Variants in BCAS3 observed in about 807,000 individuals in gnomAD.
The protein encoded by BCAS3 is BCAS3 microtubule associated cell migration factor.
BCAS3 carries 53 observed loss-of-function variants against 116.1 expected under a neutral mutation model. The ratio of observed to expected loss-of-function variants is 0.46; its 90% CI spans 0.37 to 0.57. BCAS3 has a LOEUF of 0.57. Among genes scored for constraint, BCAS3 ranks in the 20% least tolerant of loss-of-function variants. The pLI is 0.00. For synonymous variants in BCAS3, 391 were observed against 408.2 expected (o/e 0.96, Z 0.51); for missense variants, 917 against 1,165.4 (o/e 0.79, Z 3.10).
chr17:60,936,622 T>G (rs2145205880), intron 13 of BCAS3, among the ~76,000 whole-genome samples: 1 of 152,370 alleles, frequency 6.6e-6, no homozygotes, highest in South Asian at 2.1e-4. Context: ...ATGATGAGCA[T>G]TTTTTCATGT....
chr17:60,901,863 T>A (rs1405311964), intron 10 of BCAS3, among the ~76,000 whole-genome samples: 1 of 152,226 alleles, frequency 6.6e-6, no homozygotes, highest in Non-Finnish European at 1.5e-5. Context: ...TTTTGTTTTT[T>A]AAAAATGTTA....
intron 15 of BCAS3, among the ~76,000 whole-genome samples, chr17:61,005,006 C>G (rs1344695269): frequency 6.6e-6 from 1 of 152,120 alleles, no homozygotes; most frequent in African/African-American, 2.4e-5. Context: ...AATACCATGA[C>G]AGTACTCATA....
At chr17:61,270,882 C>T (rs1010337135) in intron 22 of BCAS3, among the ~76,000 whole-genome samples, 1 of 151,974 alleles carries the variant, frequency 6.6e-6, no homozygotes, top group African/African-American at 2.4e-5. Flanking sequence ...GCCTCAGCCT[C>T]CCGAGTAGCT....
In BCAS3 at chr17:61,014,833, C is replaced by T. The variant is rs117314261; in HGVS notation, c.1487-918C>T. On this transcript the variant is annotated intron_variant, in intron 15 of 23. Coordinates refer to ENST00000407086, the MANE Select transcript of BCAS3 (RefSeq NM_017679.5). ...TACAAAAGTTACCTGTATTTCTATACATTAACAATGAATAATCTGAAAAAT... is the reference window on the plus strand; with the variant it reads ...TACAAAAGTTACCTGTATTTCTATATATTAACAATGAATAATCTGAAAAAT... Among the ~76,000 whole-genome samples, 176 of 152,160 alleles carry T rather than the reference C, an allele frequency of 1.2e-3. No individual in the cohort carries two copies. In the East Asian group the frequency reaches 0.032, roughly 28 times the overall value.
chr17:61,086,473 G>C (rs1472911303), intron 22 of BCAS3, among the ~76,000 whole-genome samples: 2 of 152,180 alleles, frequency 1.3e-5, no homozygotes, highest in Non-Finnish European at 2.9e-5. Flanking sequence ...TCAGTGAACT[G>C]TTATTTAAAT....
intron 7 of BCAS3, among the ~76,000 whole-genome samples, chr17:60,853,418 A>G (rs2053359014): frequency 6.6e-6 from 1 of 152,246 alleles, no homozygotes; most frequent in African/African-American, 2.4e-5. Context: ...ATATGTTTGA[A>G]TTCAAATGCT....
chr17:60,767,827 G>A (rs898244781), intron 6 of BCAS3, among the ~76,000 whole-genome samples: 2 of 151,920 alleles, frequency 1.3e-5, no homozygotes, highest in East Asian at 3.9e-4. Context: ...TAGAGACGGG[G>A]TCTCACTCTG....
chr17:61,279,475 G>A lies in BCAS3; in HGVS notation c.2426-88852G>A, dbSNP rs1162748663. Among the ~76,000 whole-genome samples, 2 of 152,188 alleles carry A rather than the reference G, an allele frequency of 1.3e-5. No homozygotes were observed. The highest frequency in any genetic ancestry group is 3.9e-4 in the East Asian group (2 of 5,166). ...GGGTTCTTCTTGAAGAGCAGCTTCTGCCTAGCCCATGGTGGCTAAGAGATT... is the reference window on the plus strand; with the variant it reads ...GGGTTCTTCTTGAAGAGCAGCTTCTACCTAGCCCATGGTGGCTAAGAGATT... On this transcript the variant is annotated intron_variant, in intron 22 of 23. Coordinates refer to ENST00000407086, the MANE Select transcript of BCAS3 (RefSeq NM_017679.5). This position sits in a 1 kb window ranked among gnomAD's most constrained non-coding sequence, Gnocchi z 4.4.
At chr17:61,202,863 A>G (rs1376671399) in intron 22 of BCAS3, among the ~76,000 whole-genome samples, 3 of 152,234 alleles carry the variant, frequency 2.0e-5, no homozygotes, top group Non-Finnish European at 2.9e-5. Context: ...TATCTCATAG[A>G]TTAAGTCAAT....
At chr17:60,991,273 C>A (rs1388335749) in intron 15 of BCAS3, among the ~76,000 whole-genome samples, 1 of 152,092 alleles carries the variant, frequency 6.6e-6, no homozygotes, top group Admixed American at 6.6e-5. Context: ...TATGTTGTTG[C>A]AGGTAGGTTT....
chr17:61,018,541 A>G (rs1297502100), intron 16 of BCAS3, among the ~76,000 whole-genome samples: 3 of 152,038 alleles, frequency 2.0e-5, no homozygotes, highest in African/African-American at 7.2e-5. Flanking sequence ...ACCTCAAGTG[A>G]TCCACCTGCC....
chr17:61,387,132 G>A lies in BCAS3; in HGVS notation c.2594-4845G>A, dbSNP rs928607700. The stretch of plus-strand genomic sequence containing the variant: ...GTTTGGCCTCTCCAGCTTTCCCTGC[G>A]TCTCACACAGGCCCTGTGCCCTCCG... On this transcript the variant is annotated intron_variant, in intron 23 of 23. Transcript: ENST00000407086. This position sits in a 1 kb window ranked among gnomAD's most constrained non-coding sequence, Gnocchi z 6.2. 1.2e-4 allele frequency among the ~76,000 whole-genome samples: 18 copies of A among 152,168 alleles called. No individual in the cohort carries two copies. The highest frequency in any genetic ancestry group is 2.6e-4 in the Admixed American group (4 of 15,286).
Position 61,380,748 on chromosome 17 carries a change from G to T in BCAS3, c.2594-11229G>T, listed in dbSNP as rs2059567263. On this transcript the variant is annotated intron_variant, in intron 23 of 23. Coordinates refer to ENST00000407086, the MANE Select transcript of BCAS3 (RefSeq NM_017679.5). The surrounding 1 kb of genome is among the most constrained non-coding windows in gnomAD (Gnocchi z 4.2). Reference sequence around the variant, plus strand: ...AGGGGACTGGTTTGGGATGGGGAGTGGTTGTCATCCTTCACCCAACAAGAG... The same window carrying T: ...AGGGGACTGGTTTGGGATGGGGAGTTGTTGTCATCCTTCACCCAACAAGAG... 6.6e-6 allele frequency among the ~76,000 whole-genome samples: 1 copy of T among 152,144 alleles called. No individual in the cohort carries two copies. Among genetic ancestry groups the T allele is most frequent in the African/African-American group, 2.4e-5 (1 of 41,424 alleles).
intron 22 of BCAS3, among the ~76,000 whole-genome samples, chr17:61,230,089 C>T (rs569183619): frequency 1.3e-5 from 2 of 152,154 alleles, no homozygotes; most frequent in African/African-American, 2.4e-5. Context: ...CATGCCACTG[C>T]ACTCCAGCCT....
At chr17:60,795,662 C>T (rs1176174611) in intron 6 of BCAS3, among the ~76,000 whole-genome samples, 2 of 152,098 alleles carry the variant, frequency 1.3e-5, no homozygotes, top group Non-Finnish European at 2.9e-5. Context: ...TTTTCTGCAT[C>T]TATTGAGATG....
intron 22 of BCAS3, among the ~76,000 whole-genome samples, chr17:61,238,367 C>A (rs962077678): frequency 3.3e-5 from 5 of 152,068 alleles, no homozygotes; most frequent in Admixed American, 1.3e-4. Context: ...GGATTACAGG[C>A]GCCTGCCACC....
chr17:61,187,073 G>A (rs1250300131), intron 22 of BCAS3, among the ~76,000 whole-genome samples: 2 of 152,168 alleles, frequency 1.3e-5, no homozygotes, highest in Non-Finnish European at 2.9e-5. Flanking sequence ...GGAAAAAAAT[G>A]AAGTAACCCT....
intron 22 of BCAS3, among the ~76,000 whole-genome samples, chr17:61,322,635 T>C (rs529470521): frequency 8.5e-5 from 13 of 152,338 alleles, no homozygotes; most frequent in Non-Finnish European, 1.3e-4. Flanking sequence ...GTTGTGTTAG[T>C]TGGTTTTTTA....
In BCAS3 at chr17:61,380,125, A is replaced by G. The variant is rs2059536692; in HGVS notation, c.2593+11631A>G. The G allele has an allele frequency of 8.2e-6, 2 of 244,106 alleles. No homozygotes were observed. The highest frequency in any genetic ancestry group is 5.0e-5 in the Admixed American group (1 of 20,090). 15.1% of individuals were successfully genotyped at this position (244,106 alleles called of 1,614,324 possible). On this transcript the variant is annotated intron_variant, in intron 23 of 23. Transcript: ENST00000407086. This position sits in a 1 kb window ranked among gnomAD's most constrained non-coding sequence, Gnocchi z 4.2. ...CTAAGCAGCCCAACCACACACTGCC[A>G]TGCAGCTTTGAACTTCAGACCTGGT...
Sources: gnomAD v4.1 joint callset for allele counts (sites outside exome capture counted in the v4.1 genomes callset) on GRCh38, gnomAD v4.1.1 for gene constraint, Gnocchi (gnomAD v3.1) non-coding constraint, MANE v1.5 for transcripts, NCBI Gene and HGNC (gene_info 2026-07-23, HGNC 2026-07-21) for gene names.